FAH: variants seen among roughly 807,000 people sequenced by gnomAD.
FAH encodes the protein fumarylacetoacetate hydrolase, also known as fumarylacetoacetase.
FAH carries 47 observed loss-of-function variants against 55.8 expected under a neutral mutation model. The ratio of observed to expected loss-of-function variants is 0.84; its 90% confidence interval spans 0.67 to 1.07. The LOEUF is 1.07. FAH is among the 50% of genes least tolerant of loss of function. FAH has a pLI of 0.00. For missense variants in FAH, 495 were observed against 545.9 expected (o/e 0.91, Z 0.93); for synonymous variants, 199 against 207.7 (o/e 0.96, Z 0.36).
rs181867056 is a variant in FAH at position 80,178,793 on chromosome 15, T to C, written c.960+1210T>C. Among the ~76,000 whole-genome samples, 612 of 152,098 alleles carry C rather than the reference T, an allele frequency of 4.0e-3. 2 individuals carry two copies. Among genetic ancestry groups the C allele is most frequent in the Non-Finnish European group, 6.4e-3 (437 of 67,970 alleles). Reference sequence around the variant, plus strand: ...TTAGTGGAGATGGGGTTTCACCATGTTAGCCAGGATGGTCTCGATCTCCTG... The same window carrying C: ...TTAGTGGAGATGGGGTTTCACCATGCTAGCCAGGATGGTCTCGATCTCCTG... On this transcript the variant is annotated intron_variant, in intron 11 of 13. Coordinates refer to ENST00000561421, the MANE Select transcript of FAH (RefSeq NM_000137.4).
downstream of FAH, chr15:80,186,661 C>T (rs117755816): frequency 0.044 from 11,169 of 251,208 alleles, 385 homozygotes; most frequent in East Asian, 0.082. Context: ...CCAAAACCTG[C>T]TGGGTGGGTT....
At chr15:80,152,968 G>A (rs2041063565), upstream of FAH, 1 of 1,195,316 alleles carries the variant, frequency 8.4e-7, no homozygotes, top group Non-Finnish European at 1.2e-6. Context: ...GCAGGGGGGC[G>A]GGGCCGGGCC....
intron 1 of FAH, 77 bp from the exon 2 acceptor site, chr15:80,157,983 A>G: frequency 9.3e-7 from 1 of 1,073,462 alleles, no homozygotes; most frequent in South Asian, 1.2e-5. Flanking sequence ...ACTCTTCAAT[A>G]GATAGGCTTT....
At chr15:80,164,007 G>C (rs533048640) in intron 5 of FAH, among the ~76,000 whole-genome samples, 1 of 152,224 alleles carries the variant, frequency 6.6e-6, no homozygotes, top group Admixed American at 6.5e-5. Context: ...ATTAGGTAAA[G>C]TGTGTCTCAC....
downstream of FAH, chr15:80,186,359 G>A: frequency 1.4e-6 from 1 of 715,516 alleles, no homozygotes; most frequent in Non-Finnish European, 2.5e-6. Context: ...AGATGCAGCT[G>A]TGTCCACTTA....
rs145001576 is a variant in FAH, at chr15:80,160,840, G to T, written c.364+381G>T. Among the ~76,000 whole-genome samples the T allele has an allele frequency of 2.6e-3, 403 of 152,324 alleles. 1 individual carries two copies. Among genetic ancestry groups the T allele is most frequent in the Non-Finnish European group, 4.1e-3 (281 of 68,032 alleles). Reference sequence around the variant, plus strand: ...TGAAGGGCCCCAGTTTGAGCACGTGGCAGGATGTCTGGTTGGAGTGTCATT... The same window carrying T: ...TGAAGGGCCCCAGTTTGAGCACGTGTCAGGATGTCTGGTTGGAGTGTCATT... On this transcript the variant is annotated intron_variant, in intron 4 of 13. Transcript: ENST00000561421.
At chr15:80,163,967 G>A (rs377239137) in intron 5 of FAH, among the ~76,000 whole-genome samples, 18 of 152,348 alleles carry the variant, frequency 1.2e-4, no homozygotes, top group African/African-American at 3.8e-4. Flanking sequence ...GCACTGATCT[G>A]TGTTAAGTGA....
intron 3 of FAH, 48 bp from the exon 4 acceptor site, chr15:80,160,362 G>T: frequency 1.3e-6 from 2 of 1,598,428 alleles, no homozygotes; most frequent in Non-Finnish European, 1.7e-6. Context: ...GGGTGGGACC[G>T]CGCTTTGCTG....
Position 80,180,117 on chromosome 15 carries a change from C to T in FAH, c.961-7C>T. The T allele has an allele frequency of 6.2e-7, 1 of 1,605,890 alleles. No homozygotes were observed. The highest frequency in any genetic ancestry group is 8.5e-7 in the Non-Finnish European group (1 of 1,177,142). On this transcript the variant is annotated splice_region_variant and splice_polypyrimidine_tract_variant and intron_variant, in intron 11 of 13. Transcript: ENST00000561421. ...TGCTCATTCCACCTCGCGTCCATTG[C>T]CTGCAGTACATGTACTGGACGATGC...
intron 13 of FAH, among the ~76,000 whole-genome samples, chr15:80,182,395 T>C (rs958922683): frequency 2.0e-4 from 30 of 152,224 alleles, no homozygotes; most frequent in Admixed American, 1.7e-3. Context: ...AGCAGCCACA[T>C]AGTGCATGCC....
chr15:80,169,161 T>C (rs2041219730), intron 7 of FAH, among the ~76,000 whole-genome samples: 1 of 152,162 alleles, frequency 6.6e-6, no homozygotes, highest in Non-Finnish European at 1.5e-5. Flanking sequence ...GGTGGATGGA[T>C]CACCTGAGGT....
intron 5 of FAH, chr15:80,165,964 A>C (rs2041188385): frequency 6.6e-6 from 1 of 152,236 alleles, no homozygotes; most frequent in African/African-American, 2.4e-5. Context: ...CATTTAAAAA[A>C]TTAAAAGCAA....
chr15:80,180,995 C>T, intron 12 of FAH, 47 bp from the exon 13 acceptor site: 1 of 1,499,308 alleles, frequency 6.7e-7, no homozygotes, highest in South Asian at 1.1e-5. Context: ...ATGCCAGAGC[C>T]AAGGCATAAA....
At chr15:80,184,651 G>A (rs763953495) in intron 13 of FAH, among the ~76,000 whole-genome samples, 1 of 152,084 alleles carries the variant, frequency 6.6e-6, no homozygotes, top group Admixed American at 6.6e-5. Flanking sequence ...TAATGAAAAT[G>A]AGCAACAGAA....
intron 3 of FAH, 187 bp downstream of exon 3, chr15:80,160,064 T>C (rs558690875): frequency 2.4e-6 from 2 of 839,688 alleles, no homozygotes; most frequent in African/African-American, 1.7e-5. Flanking sequence ...GGGATTGCCT[T>C]GGCGCCTGGA....
In FAH at chr15:80,158,189, A is replaced by C. The variant is rs1304159140; in HGVS notation, c.192+19A>C. The C allele has an allele frequency of 3.2e-6, 5 of 1,553,208 alleles. No homozygotes were observed. The highest frequency in any genetic ancestry group is 3.6e-6 in the Non-Finnish European group (4 of 1,124,488). ...CAATCAGGTAGGACATTGTGAAACG[A>C]CTTGTCCCTGACCTCAGTGGCACTT... is the stretch of plus-strand genomic sequence containing the variant. On this transcript the variant is annotated intron_variant, in intron 2 of 13. Transcript: ENST00000561421.
chr15:80,171,689 G>T (rs1032059173), intron 7 of FAH, among the ~76,000 whole-genome samples: 3 of 152,174 alleles, frequency 2.0e-5, no homozygotes, highest in Middle Eastern at 3.4e-3. Flanking sequence ...CTCAAACTCC[G>T]AGGCTCAAGT....
chr15:80,160,655 T>C, intron 4 of FAH, 196 bp downstream of exon 4: 2 of 695,732 alleles, frequency 2.9e-6, no homozygotes, highest in Non-Finnish European at 5.2e-6. Flanking sequence ...CTCAGGCTAT[T>C]ATCTTGCCTC....
chr15:80,171,772 T>A (rs1456215210), intron 7 of FAH, among the ~76,000 whole-genome samples: 1 of 152,216 alleles, frequency 6.6e-6, no homozygotes, highest in African/African-American at 2.4e-5. Context: ...TGGTTTTTCA[T>A]GACATGAATA....
Sources: gnomAD v4.1 joint callset for allele counts (sites outside exome capture counted in the v4.1 genomes callset) on GRCh38, gnomAD v4.1.1 for gene constraint, MANE v1.5 for transcripts, NCBI Gene and HGNC (gene_info 2026-07-23, HGNC 2026-07-21) for gene names.